Variants in KCND3 observed in about 807,000 individuals in gnomAD.
KCND3 encodes the protein potassium voltage-gated channel subfamily D member 3.
Under a neutral mutation model 51.1 loss-of-function variants are expected in KCND3, and 9 were observed. The ratio of observed to expected loss-of-function variants is 0.18; its 90% CI spans 0.11 to 0.31. The LOEUF (loss-of-function observed/expected upper bound fraction) is 0.31, where lower values mean the gene tolerates loss of function less well. KCND3 is among the 10% of genes least tolerant of loss of function. KCND3 has a pLI of 1.00. For synonymous variants in KCND3, 349 were observed against 368.0 expected (o/e 0.95, Z 0.59); for missense variants, 526 against 903.8 (o/e 0.58, Z 5.36).
chr1:111,853,772 A>G (rs377678368), intron 2 of KCND3: 12 of 152,228 alleles, frequency 7.9e-5, no homozygotes, highest in African/African-American at 2.7e-4. Context: ...TAGGTGCTCA[A>G]TAACGGTTTA....
rs189107881 is a variant in KCND3 at position 111,979,993 on chromosome 1, G to A, written c.1106+1628C>T. The stretch of plus-strand genomic sequence containing the variant: ...AAGTGGAAGTGAGGTGTCTGGCCAT[G>A]GGTGAGGTCCCCTTCAGGAAGGTGA... On this transcript the variant is annotated intron_variant, in intron 2 of 7. Transcript: ENST00000302127. 6.6e-5 allele frequency among the ~76,000 whole-genome samples: 10 copies of A among 152,242 alleles called. No individual in the cohort carries two copies. In the East Asian group the frequency reaches 1.9e-3, roughly 29 times the overall value.
At chr1:111,889,824 C>T (rs955471424) in intron 2 of KCND3, among the ~76,000 whole-genome samples, 5 of 151,662 alleles carry the variant, frequency 3.3e-5, no homozygotes, top group African/African-American at 7.3e-5. Context: ...GAGCAGAAGA[C>T]GGGGAGCAGG....
At chr1:111,890,957 G>A (rs1220659379) in intron 2 of KCND3, among the ~76,000 whole-genome samples, 2 of 152,156 alleles carry the variant, frequency 1.3e-5, no homozygotes, top group Admixed American at 1.3e-4. Flanking sequence ...TCGGGAGAGT[G>A]GTGCAGGTGA....
At chr1:111,939,079 T>C (rs534885219) in intron 2 of KCND3, among the ~76,000 whole-genome samples, 11 of 152,192 alleles carry the variant, frequency 7.2e-5, no homozygotes, top group Non-Finnish European at 1.2e-4. Context: ...ACTCAGACCG[T>C]CTGAATCTGA....
intron 2 of KCND3, among the ~76,000 whole-genome samples, chr1:111,927,231 G>A (rs1199155383): frequency 6.6e-6 from 1 of 152,186 alleles, no homozygotes; most frequent in African/African-American, 2.4e-5. Context: ...CCCCCAGTGG[G>A]GGCTATGGGG....
intron 2 of KCND3, among the ~76,000 whole-genome samples, chr1:111,837,818 C>T (rs926612768): frequency 2.6e-5 from 4 of 152,162 alleles, no homozygotes; most frequent in African/African-American, 4.8e-5. Context: ...TCTAGATTGT[C>T]AGTTTATCAG....
At chr1:111,792,709 G>T (rs1157159178) in intron 2 of KCND3, among the ~76,000 whole-genome samples, 1 of 152,086 alleles carries the variant, frequency 6.6e-6, no homozygotes, top group Non-Finnish European at 1.5e-5. Context: ...CAGGGTTGTT[G>T]TGAGGGATTG....
chr1:111,981,426 A>T lies in KCND3; in HGVS notation c.1106+195T>A, dbSNP rs1230865691. ...GCCCCGACCTCAAAAAGAAAACTCA[A>T]TTCCCAGCAAGCTACCACCCCCAAA... is the stretch of plus-strand genomic sequence containing the variant. On this transcript the variant is annotated intron_variant, in intron 2 of 7. Coordinates refer to ENST00000302127, the MANE Select transcript of KCND3 (RefSeq NM_001378969.1). The surrounding 1 kb of genome is among the most constrained non-coding windows in gnomAD (Gnocchi z 6.2). Among the ~76,000 whole-genome samples, 1 of 152,160 alleles carries T rather than the reference A, an allele frequency of 6.6e-6. No homozygotes were observed. Among genetic ancestry groups the T allele is most frequent in the East Asian group, 1.9e-4 (1 of 5,196 alleles).
chr1:111,954,960 A>C (rs1456736026), intron 2 of KCND3, among the ~76,000 whole-genome samples: 5 of 152,118 alleles, frequency 3.3e-5, no homozygotes, highest in Admixed American at 3.3e-4. Flanking sequence ...ACCTAGATGG[A>C]GCTGTCTGTC....
intron 2 of KCND3, among the ~76,000 whole-genome samples, chr1:111,796,257 T>C (rs1218011327): frequency 6.6e-6 from 1 of 152,218 alleles, no homozygotes; most frequent in Non-Finnish European, 1.5e-5. Context: ...CATGAAATCT[T>C]TGCTTGTTCC....
intron 2 of KCND3, among the ~76,000 whole-genome samples, chr1:111,955,057 A>G (rs548922991): frequency 6.6e-6 from 1 of 152,166 alleles, no homozygotes; most frequent in Non-Finnish European, 1.5e-5. Flanking sequence ...TTCTTTGCAC[A>G]TACTCTTTCC....
chr1:111,827,607 A>G (rs1324475342), intron 2 of KCND3, among the ~76,000 whole-genome samples: 2 of 152,186 alleles, frequency 1.3e-5, no homozygotes, highest in African/African-American at 4.8e-5. Context: ...AGAACTTTAC[A>G]TGTAAAGATC....
chr1:111,963,446 C>T (rs1259464294), intron 2 of KCND3, among the ~76,000 whole-genome samples: 1 of 152,240 alleles, frequency 6.6e-6, no homozygotes, highest in African/African-American at 2.4e-5. Context: ...CTTAATCTCT[C>T]TGTTCCTCAG....
intron 2 of KCND3, among the ~76,000 whole-genome samples, chr1:111,805,555 G>A (rs1176139717): frequency 6.6e-6 from 1 of 152,210 alleles, no homozygotes; most frequent in Non-Finnish European, 1.5e-5. Context: ...TCTTAGAAAT[G>A]TTATCAAGTC....
intron 2 of KCND3, among the ~76,000 whole-genome samples, chr1:111,824,429 C>T (rs1666486221): frequency 6.6e-6 from 1 of 152,178 alleles, no homozygotes; most frequent in South Asian, 2.1e-4. Context: ...TTCTGCCATA[C>T]CCACACACCA....
chr1:111,961,939 T>C (rs1211839140), intron 2 of KCND3, among the ~76,000 whole-genome samples: 1 of 152,186 alleles, frequency 6.6e-6, no homozygotes, highest in Non-Finnish European at 1.5e-5. Context: ...CCCTGCAGCT[T>C]CTGCCCTGAG....
In KCND3 at chr1:111,982,874, G is replaced by T. The variant is rs1401003763; in HGVS notation, c.-72-76C>A. The T allele has an allele frequency of 1.8e-6, 2 of 1,138,892 alleles. No individual in the cohort carries two copies. Among genetic ancestry groups the T allele is most frequent in the Non-Finnish European group, 2.5e-6 (2 of 793,754 alleles). 70.5% of individuals were successfully genotyped at this position (1,138,892 alleles called of 1,614,324 possible). A position where few individuals can be genotyped will look rare whatever the true frequency, so the allele number is the denominator to read the frequency against. On this transcript the variant is annotated intron_variant, in intron 1 of 7. Coordinates refer to ENST00000302127, the MANE Select transcript of KCND3 (RefSeq NM_001378969.1). This position sits in a 1 kb window ranked among gnomAD's most constrained non-coding sequence, Gnocchi z 8.5. ...AGGTAAGAAATGGGACACAGGAAAG[G>T]ATCACTGGTGAGTGAAACGGCCAAA...
intron 2 of KCND3, among the ~76,000 whole-genome samples, chr1:111,927,020 T>C (rs1248419855): frequency 1.3e-5 from 2 of 152,250 alleles, no homozygotes; most frequent in African/African-American, 4.8e-5. Context: ...GGGCTGATTA[T>C]GCTGCTAAGT....
chr1:111,894,289 C>T (rs1187164452), intron 2 of KCND3, among the ~76,000 whole-genome samples: 1 of 152,156 alleles, frequency 6.6e-6, no homozygotes, highest in Non-Finnish European at 1.5e-5. Flanking sequence ...GTTCTATGTT[C>T]CTCTCCCCCT....
Sources: allele counts gnomAD v4.1 joint callset (sites outside exome capture counted in the v4.1 genomes callset), GRCh38; gene constraint gnomAD v4.1.1; non-coding constraint Gnocchi (gnomAD v3.1); transcripts MANE v1.5; gene names NCBI Gene and HGNC (gene_info 2026-07-23, HGNC 2026-07-21).